EEA1: variants seen among roughly 807,000 people sequenced by gnomAD.
EEA1 encodes the protein early endosome antigen 1, also known as early endosome antigen 1, 162kD.
A neutral mutation model predicts 209.2 loss-of-function variants in EEA1; 111 were observed. The ratio of observed to expected loss-of-function variants is 0.53; its 90% confidence interval spans 0.45 to 0.62. The LOEUF (loss-of-function observed/expected upper bound fraction) is 0.62. Ranked by LOEUF, EEA1 falls within the 20% of genes least tolerant of loss-of-function variation. The pLI is 0.00. For missense variants in EEA1, 1,343 were observed against 1,530.8 expected, an observed-to-expected ratio of 0.88 and a Z score of 2.05; for synonymous variants, 536 against 540.6, an observed-to-expected ratio of 0.99 and a Z score of 0.12.
chr12:92,813,386 G>T (rs1387883028), intron 15 of EEA1, among the ~76,000 whole-genome samples: 1 of 151,888 alleles, frequency 6.6e-6, no homozygotes, highest in African/African-American at 2.4e-5. Flanking sequence ...TCCAAAAAAG[G>T]CCACTGTATT....
At chr12:92,878,244 T>C (rs752593660) in intron 2 of EEA1, among the ~76,000 whole-genome samples, 1 of 151,422 alleles carries the variant, frequency 6.6e-6, no homozygotes, top group Non-Finnish European at 1.5e-5. Context: ...TACAAGAAAA[T>C]TAAAAATTAA....
intron 21 of EEA1, among the ~76,000 whole-genome samples, chr12:92,792,589 T>G (rs991476030): frequency 2.6e-5 from 4 of 152,092 alleles, no homozygotes; most frequent in African/African-American, 9.7e-5. Flanking sequence ...AGGAAGAAGT[T>G]GAATCTCTGA....
At chr12:92,841,492 G>A (rs1359827206) in intron 10 of EEA1, among the ~76,000 whole-genome samples, 1 of 152,160 alleles carries the variant, frequency 6.6e-6, no homozygotes, top group Non-Finnish European at 1.5e-5. Flanking sequence ...CATTCCTACA[G>A]AATGGGATAA....
At chr12:92,830,859 C>T (rs1876593891) in intron 11 of EEA1, among the ~76,000 whole-genome samples, 1 of 151,992 alleles carries the variant, frequency 6.6e-6, no homozygotes, top group South Asian at 2.1e-4. Context: ...ACTCTGATGC[C>T]TATATAAAGA....
chr12:92,917,523 A>C (rs894966045), intron 1 of EEA1, among the ~76,000 whole-genome samples: 3 of 150,170 alleles, frequency 2.0e-5, no homozygotes, highest in Non-Finnish European at 3.0e-5. Context: ...GAAATAAAAT[A>C]CTTTACAGAC....
At chr12:92,927,906 C>T (rs1881266439) in intron 1 of EEA1, among the ~76,000 whole-genome samples, 1 of 152,198 alleles carries the variant, frequency 6.6e-6, no homozygotes. Context: ...TAATAACTGA[C>T]CAAGTTTCAC....
rs779662076 is a variant in EEA1 at position 92,782,045 on chromosome 12, T to C, written c.3241A>G (p.Lys1081Glu). 1.2e-6 allele frequency: 2 copies of C among 1,613,084 alleles called. No individual in the cohort carries two copies. The highest frequency in any genetic ancestry group is 3.3e-5 in the Admixed American group (2 of 59,934). Residue 1081 changes from lysine (K) to glutamate (E), a missense_variant, in exon 23 of 29, where the codon AAG becomes GAG. This residue lies in a region of EEA1 where 1,307 missense variants were observed against 1,465.5 expected (regional missense o/e 0.89). Transcript: ENST00000322349. ...GNQNKLIQELKTAKATLEQDS... is the reference protein window; with the variant it reads ...GNQNKLIQELETAKATLEQDS... ...TGCTCCAATGTAGCCTTGGCAGTCTTCAGTTCTTGAATCAATTTATTTTGA... is the reference window on the plus strand; with the variant it reads ...TGCTCCAATGTAGCCTTGGCAGTCTCCAGTTCTTGAATCAATTTATTTTGA...
chr12:92,840,816 A>G (rs1360495041), intron 10 of EEA1, among the ~76,000 whole-genome samples: 3 of 152,208 alleles, frequency 2.0e-5, no homozygotes, highest in Non-Finnish European at 2.9e-5. Context: ...TATTGTTGCT[A>G]TGGTCTGAAT....
intron 2 of EEA1, among the ~76,000 whole-genome samples, chr12:92,891,057 C>G (rs1879637943): frequency 6.6e-6 from 1 of 152,100 alleles, no homozygotes; most frequent in African/African-American, 2.4e-5. Flanking sequence ...CATTCCTTAT[C>G]TCCTTTTTCT....
intron 18 of EEA1, among the ~76,000 whole-genome samples, chr12:92,806,092 A>C (rs765718884): frequency 3.3e-5 from 5 of 152,216 alleles, no homozygotes; most frequent in Non-Finnish European, 2.9e-5. Context: ...AGATACTACA[A>C]AATGTAGACA....
At chr12:92,794,092 A>G (rs1203936598) in intron 21 of EEA1, among the ~76,000 whole-genome samples, 1 of 152,246 alleles carries the variant, frequency 6.6e-6, no homozygotes, top group Non-Finnish European at 1.5e-5. Flanking sequence ...CACTTCTCAA[A>G]AGAAGACATC....
chr12:92,911,053 G>T (rs190064121), intron 1 of EEA1, among the ~76,000 whole-genome samples: 130 of 151,774 alleles, frequency 8.6e-4, no homozygotes, highest in Non-Finnish European at 1.4e-3. Context: ...AAATGTTACA[G>T]CTACTTTGGA....
rs764484333 is a variant in EEA1 at position 92,864,925 on chromosome 12, A to G, written c.180T>C (p.Tyr60=). The change falls in exon 3 of 29, where the codon TAT becomes TAC. Residue 60 remains tyrosine (Y), a synonymous_variant. Coordinates refer to ENST00000322349, the MANE Select transcript of EEA1 (RefSeq NM_003566.4). Reference sequence around the variant, plus strand: ...CATTACCAGCATCATGAACAGCTTCATAATGTTTGAAAAGTTCATCAGCAG... The same window carrying G: ...CATTACCAGCATCATGAACAGCTTCGTAATGTTTGAAAAGTTCATCAGCAG... The part of the protein sequence containing the change: ...LGSADELFKH[Y]EAVHDAGNDS... The G allele has an allele frequency of 2.0e-5, 32 of 1,611,598 alleles. No homozygotes were observed. The highest frequency in any genetic ancestry group is 3.3e-4 in the Middle Eastern group (2 of 6,074).
chr12:92,874,363 T>C (rs1878785896), intron 2 of EEA1, among the ~76,000 whole-genome samples: 1 of 151,972 alleles, frequency 6.6e-6, no homozygotes, highest in East Asian at 1.9e-4. Flanking sequence ...GAAAATATGC[T>C]TCATTTGTTT....
At chr12:92,874,089 G>T (rs1878766944) in intron 2 of EEA1, among the ~76,000 whole-genome samples, 1 of 152,052 alleles carries the variant, frequency 6.6e-6, no homozygotes, top group South Asian at 2.1e-4. Flanking sequence ...AAAGCAGGCA[G>T]ATCGCTTGAG....
intron 21 of EEA1, among the ~76,000 whole-genome samples, chr12:92,796,857 T>C (rs1874674965): frequency 6.6e-6 from 1 of 152,194 alleles, no homozygotes; most frequent in Non-Finnish European, 1.5e-5. Context: ...AAATACATTA[T>C]CTCAATCTTT....
At chr12:92,836,893 C>G (rs1239425029) in intron 10 of EEA1, among the ~76,000 whole-genome samples, 1 of 151,964 alleles carries the variant, frequency 6.6e-6, no homozygotes, top group African/African-American at 2.4e-5. Context: ...GAGGCCGAGG[C>G]GGGCAGATCA....
chr12:92,825,474 G>T (rs1210511033), intron 13 of EEA1, among the ~76,000 whole-genome samples: 1 of 144,250 alleles, frequency 6.9e-6, no homozygotes, highest in East Asian at 2.0e-4. Flanking sequence ...AAAAAAAAAA[G>T]AATGAATTAA....
chr12:92,802,378 T>C, intron 19 of EEA1, 26 bp downstream of exon 19: 2 of 1,531,010 alleles, frequency 1.3e-6, no homozygotes, highest in East Asian at 4.7e-5. Context: ...CACTTCTACC[T>C]AAGAAAGTAA....
Sources: gnomAD v4.1 joint callset for allele counts (sites outside exome capture counted in the v4.1 genomes callset) on GRCh38, gnomAD v4.1.1 for gene constraint, gnomAD v4.1.1 regional missense constraint, MANE v1.5 for transcripts, NCBI Gene and HGNC (gene_info 2026-07-23, HGNC 2026-07-21) for gene names.